The following PHF24 variants were observed in gnomAD, a reference collection of about 807,000 sequenced individuals.
The protein encoded by PHF24 is Galpha inhibitory interacting protein.
PHF24 carries 25 observed loss-of-function variants against 42.6 expected under a neutral mutation model. That is an observed-to-expected ratio of 0.59 (90% CI 0.43 to 0.82). The LOEUF (loss-of-function observed/expected upper bound fraction) is 0.82. Among genes scored for constraint, PHF24 ranks in the 40% least tolerant of loss-of-function variants. The probability of loss-of-function intolerance (pLI) is 0.00; values close to 1 mark genes in which losing one functional copy is unlikely to be tolerated. For synonymous variants in PHF24, 185 were observed against 204.8 expected (o/e 0.90, Z 0.83); for missense variants, 470 against 538.1 (o/e 0.87, Z 1.25).
the PHF24 span, among the ~76,000 whole-genome samples, chr9:34,790,429 G>A: frequency 6.6e-6 from 1 of 152,096 alleles, no homozygotes; most frequent in East Asian, 1.9e-4. Context: ...GTTAGAATGT[G>A]TTTTATTTTT....
chr9:34,957,848 C>T (rs1302545025), upstream of PHF24, among the ~76,000 whole-genome samples: 2 of 152,032 alleles, frequency 1.3e-5, no homozygotes, highest in Non-Finnish European at 2.9e-5. Context: ...ACCCCCGGCG[C>T]GGAACGCGAG....
the PHF24 span, among the ~76,000 whole-genome samples, chr9:34,729,796 A>T: frequency 6.6e-6 from 1 of 152,212 alleles, no homozygotes; most frequent in East Asian, 1.9e-4. Context: ...GGGTCACCTC[A>T]TAAGAAGGGG....
the PHF24 span, among the ~76,000 whole-genome samples, chr9:34,868,860 G>C: frequency 6.6e-6 from 1 of 151,852 alleles, no homozygotes; most frequent in African/African-American, 2.4e-5. Context: ...CCATCACCTA[G>C]TCATTAAGCC....
chr9:34,969,696 C>T lies in PHF24; in HGVS notation c.-4-1599C>T, dbSNP rs543917813. ...GCCCTCTTTCCCTTTATCCTTCATC[C>T]AATCAATTATCAATTTATTCCTAGA... On this transcript the variant is annotated intron_variant, in intron 1 of 7. Coordinates refer to ENST00000242315, the Ensembl canonical transcript of PHF24. Among the ~76,000 whole-genome samples, 5 of 152,174 alleles carry T rather than the reference C, an allele frequency of 3.3e-5. No individual in the cohort carries two copies. The East Asian group carries it at 9.6e-4, about 29-fold the overall frequency.
At chr9:34,724,196 T>G in the PHF24 span, 2 of 1,551,480 alleles carry the variant, frequency 1.3e-6, no homozygotes, top group South Asian at 2.4e-5. Context: ...TTTGTTCACA[T>G]TGGCCTCTAC....
chr9:34,696,120 T>A, the PHF24 span, among the ~76,000 whole-genome samples: 2 of 152,182 alleles, frequency 1.3e-5, no homozygotes, highest in African/African-American at 2.4e-5. Flanking sequence ...ATTACTATAT[T>A]GTTACTATAG....
chr9:34,686,055 A>C, the PHF24 span, among the ~76,000 whole-genome samples: 3 of 152,240 alleles, frequency 2.0e-5, no homozygotes, highest in African/African-American at 7.2e-5. Context: ...AGCAGTGCCC[A>C]GTACCTGGTA....
At chr9:34,888,495 G>A in the PHF24 span, among the ~76,000 whole-genome samples, 1 of 152,176 alleles carries the variant, frequency 6.6e-6, no homozygotes, top group African/African-American at 2.4e-5. Context: ...CAAATGAAAG[G>A]CAATGGAGGT....
the PHF24 span, among the ~76,000 whole-genome samples, chr9:34,748,244 A>G: frequency 4.5e-4 from 68 of 152,184 alleles, no homozygotes; most frequent in Non-Finnish European, 7.8e-4. Context: ...TGAGATTTGT[A>G]TATTTTTCTG....
chr9:34,858,980 A>T, the PHF24 span, among the ~76,000 whole-genome samples: 1 of 152,184 alleles, frequency 6.6e-6, no homozygotes, highest in African/African-American at 2.4e-5. Context: ...GGTAAGCATG[A>T]TCTACTTAGT....
the PHF24 span, chr9:34,722,935 G>A: frequency 1.1e-5 from 4 of 355,120 alleles, no homozygotes; most frequent in Non-Finnish European, 2.0e-5. Context: ...GATGTGGAAT[G>A]GTGACCCATC....
the PHF24 span, among the ~76,000 whole-genome samples, chr9:34,824,871 T>G: frequency 6.6e-6 from 1 of 152,122 alleles, no homozygotes; most frequent in Admixed American, 6.5e-5. Context: ...ATCTCAAACT[T>G]ATTTGGCCAT....
chr9:34,981,358 C>T (rs1022933316), exon 8 of PHF24: 4 of 152,260 alleles, frequency 2.6e-5, no homozygotes, highest in Non-Finnish European at 5.9e-5. Flanking sequence ...GAGGACACCT[C>T]CTTGGGGGAG....
chr9:34,911,713 T>TA, the PHF24 span, among the ~76,000 whole-genome samples: 159 of 146,726 alleles, frequency 1.1e-3, no homozygotes, highest in African/African-American at 9.7e-4. Flanking sequence ...ATTTAAGATT[T>TA]AAAAAAAAAA....
the PHF24 span, among the ~76,000 whole-genome samples, chr9:34,948,118 A>C: frequency 2.0e-5 from 3 of 151,628 alleles, no homozygotes; most frequent in African/African-American, 7.2e-5. Flanking sequence ...TCAAAAAAAA[A>C]AAAAAGAAAA....
At chr9:34,759,373 C>T in the PHF24 span, among the ~76,000 whole-genome samples, 3 of 152,164 alleles carry the variant, frequency 2.0e-5, no homozygotes, top group Admixed American at 6.5e-5. Flanking sequence ...CTCCTATGGC[C>T]CTTGTTTTTT....
the PHF24 span, among the ~76,000 whole-genome samples, chr9:34,774,044 T>C: frequency 1.3e-5 from 2 of 152,208 alleles, no homozygotes; most frequent in African/African-American, 4.8e-5. Context: ...AACAGGTGAC[T>C]ACATGCAAAA....
chr9:34,693,964 A>G, the PHF24 span, among the ~76,000 whole-genome samples: 1 of 152,036 alleles, frequency 6.6e-6, no homozygotes, highest in Non-Finnish European at 1.5e-5. Flanking sequence ...TTGTTTATCC[A>G]GAACAGGAGT....
chr9:34,854,726 G>A, the PHF24 span, among the ~76,000 whole-genome samples: 1 of 152,208 alleles, frequency 6.6e-6, no homozygotes, highest in Admixed American at 6.5e-5. Flanking sequence ...TAGGTGCCAT[G>A]TGGCAATGAG....
Sources: gnomAD v4.1 joint callset for allele counts (sites outside exome capture counted in the v4.1 genomes callset) on GRCh38, gnomAD v4.1.1 for gene constraint, MANE v1.5 for transcripts, NCBI Gene and HGNC (gene_info 2026-07-23, HGNC 2026-07-21) for gene names.